The following CNTN5 variants were observed in gnomAD, a reference collection of about 807,000 sequenced individuals.
CNTN5 encodes contactin-5.
CNTN5 carries 77 observed loss-of-function variants against 129.1 expected under a neutral mutation model. That is an observed-to-expected ratio of 0.60 (90% confidence interval 0.50 to 0.72). The LOEUF (loss-of-function observed/expected upper bound fraction) is 0.72. Among genes scored for constraint, CNTN5 ranks in the 30% least tolerant of loss-of-function variants. CNTN5 has a pLI of 0.00. For missense variants in CNTN5, 1,478 were observed against 1,328.8 expected (o/e 1.11, Z -1.75); for synonymous variants, 509 against 465.6 (o/e 1.09, Z -1.20).
intron 1 of CNTN5, among the ~76,000 whole-genome samples, chr11:99,305,849 G>C (rs963501591): frequency 2.0e-5 from 3 of 151,560 alleles, no homozygotes; most frequent in Admixed American, 2.0e-4. Flanking sequence ...GGCATGTTGG[G>C]AGGCACCTGT....
chr11:99,573,038 T>G (rs945506433), intron 3 of CNTN5, among the ~76,000 whole-genome samples: 2 of 152,170 alleles, frequency 1.3e-5, no homozygotes, highest in African/African-American at 4.8e-5. Flanking sequence ...GAATATTTAA[T>G]TTAAGAAATA....
chr11:99,784,509 T>C (rs1945439653), intron 3 of CNTN5, among the ~76,000 whole-genome samples: 2 of 152,126 alleles, frequency 1.3e-5, no homozygotes, highest in African/African-American at 4.8e-5. Context: ...GTCTTTCCTA[T>C]TGTGAATAGT....
At chr11:99,876,230 C>T (rs770808526) in intron 6 of CNTN5, among the ~76,000 whole-genome samples, 1 of 152,118 alleles carries the variant, frequency 6.6e-6, no homozygotes, top group Non-Finnish European at 1.5e-5. Flanking sequence ...TTGTTCAGGA[C>T]CTGCATCTGG....
intron 3 of CNTN5, among the ~76,000 whole-genome samples, chr11:99,807,931 A>C (rs1176647883): frequency 1.3e-5 from 2 of 152,168 alleles, no homozygotes; most frequent in African/African-American, 4.8e-5. Context: ...AGGACTCTTC[A>C]GGTACCACCG....
At chr11:99,501,733 T>G (rs1241693256) in intron 2 of CNTN5, among the ~76,000 whole-genome samples, 2 of 152,264 alleles carry the variant, frequency 1.3e-5, no homozygotes, top group African/African-American at 4.8e-5. Context: ...AATGCAATTA[T>G]TCTGTCTTAG....
chr11:99,240,773 A>G (rs1861507049), intron 1 of CNTN5, among the ~76,000 whole-genome samples: 1 of 152,230 alleles, frequency 6.6e-6, no homozygotes, highest in African/African-American at 2.4e-5. Context: ...AAACAAACTG[A>G]TAAAAGAAAA....
intron 6 of CNTN5, among the ~76,000 whole-genome samples, chr11:99,893,918 A>C (rs1949130986): frequency 6.6e-6 from 1 of 152,196 alleles, no homozygotes; most frequent in South Asian, 2.1e-4. Context: ...TTTGGGGCTA[A>C]GGATCAAGAG....
intron 3 of CNTN5, among the ~76,000 whole-genome samples, chr11:99,588,143 AC>A (rs1949862716): frequency 6.6e-6 from 1 of 152,172 alleles, no homozygotes; most frequent in Non-Finnish European, 1.5e-5. Context: ...GGAGATGGAT[AC>A]CATCCTGGCT....
At chr11:99,492,646 T>G (rs1044901752) in intron 2 of CNTN5, among the ~76,000 whole-genome samples, 1 of 152,100 alleles carries the variant, frequency 6.6e-6, no homozygotes, top group East Asian at 1.9e-4. Flanking sequence ...CAAGGGTCAT[T>G]GCTGAGACCC....
At chr11:99,793,240 T>C (rs1400259481) in intron 3 of CNTN5, among the ~76,000 whole-genome samples, 1 of 152,104 alleles carries the variant, frequency 6.6e-6, no homozygotes, top group African/African-American at 2.4e-5. Context: ...TTTGTATTTT[T>C]AGTAGAGACG....
intron 15 of CNTN5, among the ~76,000 whole-genome samples, chr11:100,219,446 C>T (rs1337743881): frequency 6.6e-6 from 1 of 152,150 alleles, no homozygotes; most frequent in African/African-American, 2.4e-5. Flanking sequence ...TATTTCAGCC[C>T]TCTCTTTACC....
chr11:100,061,070 A>G (rs1591158983), intron 9 of CNTN5, 142 bp from the exon 10 acceptor site: 3 of 519,696 alleles, frequency 5.8e-6, no homozygotes, highest in Non-Finnish European at 9.2e-6. Flanking sequence ...TGGAAAGTGA[A>G]ATATATCAAC....
chr11:99,430,016 G>T (rs1288981663), intron 2 of CNTN5, among the ~76,000 whole-genome samples: 1 of 152,020 alleles, frequency 6.6e-6, no homozygotes, highest in East Asian at 1.9e-4. Flanking sequence ...CAAGGAAGCT[G>T]AGCTTTAGAC....
At chr11:99,952,837 G>T (rs1414419537) in intron 7 of CNTN5, among the ~76,000 whole-genome samples, 1 of 152,154 alleles carries the variant, frequency 6.6e-6, no homozygotes, top group Non-Finnish European at 1.5e-5. Flanking sequence ...TTACCATAAA[G>T]TTGAGCATTT....
In CNTN5 at chr11:100,098,171, C is replaced by G. The variant is rs544518559; in HGVS notation, c.1580+23877C>G. Among the ~76,000 whole-genome samples, 3 of 151,946 alleles carry G rather than the reference C, an allele frequency of 2.0e-5. No homozygotes were observed. The South Asian group carries it at 6.2e-4, about 32-fold the overall frequency. On this transcript the variant is annotated intron_variant, in intron 13 of 24. Coordinates refer to ENST00000524871, the MANE Select transcript of CNTN5 (RefSeq NM_014361.4). ...GGACTTTAAAGCTTCTGTCCAATTA[C>G]CCAGGGACATCTCAACATGAATTAT... is the stretch of plus-strand genomic sequence containing the variant.
chr11:99,502,053 A>G (rs888799328), intron 2 of CNTN5, among the ~76,000 whole-genome samples: 1 of 152,200 alleles, frequency 6.6e-6, no homozygotes, highest in African/African-American at 2.4e-5. Context: ...CAAATTGTAC[A>G]TGTATCTAAT....
At chr11:100,050,644 A>G (rs1342309549) in intron 9 of CNTN5, among the ~76,000 whole-genome samples, 1 of 152,058 alleles carries the variant, frequency 6.6e-6, no homozygotes, top group Admixed American at 6.6e-5. Context: ...AATAAAAAAA[A>G]GAAATGAGAA....
chr11:99,290,582 G>A (rs1357125565), intron 1 of CNTN5, among the ~76,000 whole-genome samples: 1 of 151,794 alleles, frequency 6.6e-6, no homozygotes, highest in Non-Finnish European at 1.5e-5. Flanking sequence ...TGTTAGAGCT[G>A]AAGATCAGGT....
intron 23 of CNTN5, among the ~76,000 whole-genome samples, chr11:100,345,455 A>G (rs2139025060): frequency 6.6e-6 from 1 of 152,264 alleles, no homozygotes; most frequent in South Asian, 2.1e-4. Flanking sequence ...GGGACACATT[A>G]AAACCATAGC....
Sources: gnomAD v4.1 joint callset for allele counts (sites outside exome capture counted in the v4.1 genomes callset) on GRCh38, gnomAD v4.1.1 for gene constraint, MANE v1.5 for transcripts, NCBI Gene and HGNC (gene_info 2026-07-23, HGNC 2026-07-21) for gene names.